LRRC37A2: variants seen among roughly 807,000 people sequenced by gnomAD.
The protein encoded by LRRC37A2 is leucine rich repeat containing 37 member A2, also known as leucine-rich repeat-containing protein 37A2.
In LRRC37A2, 9 loss-of-function variants were observed where a neutral mutation model predicts 68.8. The observed-to-expected ratio is 0.13, with a 90% CI of 0.08 to 0.23. LRRC37A2 has a LOEUF of 0.23. Ranked by LOEUF, LRRC37A2 falls within the 10% of genes least tolerant of loss-of-function variation. The pLI is 1.00. For missense variants in LRRC37A2, 168 were observed against 950.4 expected (o/e 0.18, Z 10.82); for synonymous variants, 63 against 367.6 (o/e 0.17, Z 9.48).
the LRRC37A2 span, among the ~76,000 whole-genome samples, chr17:46,954,944 T>C: frequency 6.6e-6 from 1 of 152,210 alleles, no homozygotes; most frequent in Non-Finnish European, 1.5e-5. Flanking sequence ...TTTCTAGATA[T>C]ACAATCATGT....
At chr17:46,721,296 T>G in the LRRC37A2 span, among the ~76,000 whole-genome samples, 1 of 152,156 alleles carries the variant, frequency 6.6e-6, no homozygotes. Flanking sequence ...ATAACGGGCT[T>G]CTGTGTTTTC....
At chr17:46,972,252 C>G in the LRRC37A2 span, among the ~76,000 whole-genome samples, 1 of 152,312 alleles carries the variant, frequency 6.6e-6, no homozygotes, top group East Asian at 1.9e-4. Context: ...CTCCTCTCTT[C>G]CCTTCTCCTT....
chr17:46,377,672 C>T, the LRRC37A2 span, among the ~76,000 whole-genome samples: 1 of 60,724 alleles, frequency 1.6e-5, no homozygotes, highest in East Asian at 2.3e-4. Context: ...CGGGTTCAAG[C>T]GATTCTCCCG....
the LRRC37A2 span, chr17:46,833,410 G>A: frequency 1.9e-6 from 1 of 517,866 alleles, no homozygotes. Context: ...AGTCCTGGGA[G>A]CCTTACCAGC....
chr17:46,960,844 A>C, the LRRC37A2 span, among the ~76,000 whole-genome samples: 1 of 152,236 alleles, frequency 6.6e-6, no homozygotes, highest in East Asian at 1.9e-4. Context: ...TGTCTGCATT[A>C]AGGGAAGAAG....
the LRRC37A2 span, among the ~76,000 whole-genome samples, chr17:46,804,388 G>A: frequency 6.6e-6 from 1 of 152,080 alleles, no homozygotes; most frequent in Non-Finnish European, 1.5e-5. Flanking sequence ...CAACTAGCCT[G>A]TTTTTATTTT....
chr17:46,929,367 C>T, the LRRC37A2 span, among the ~76,000 whole-genome samples: 2 of 152,192 alleles, frequency 1.3e-5, no homozygotes, highest in African/African-American at 2.4e-5. Flanking sequence ...CATGCCAAAA[C>T]GTGGGACCTA....
the LRRC37A2 span, among the ~76,000 whole-genome samples, chr17:46,568,908 T>C: frequency 7.5e-6 from 1 of 132,998 alleles, no homozygotes; most frequent in South Asian, 2.4e-4. Flanking sequence ...AAAGCAGATG[T>C]AGAAAAGATG....
At chr17:46,924,697 C>T in the LRRC37A2 span, among the ~76,000 whole-genome samples, 2 of 152,126 alleles carry the variant, frequency 1.3e-5, no homozygotes, top group Non-Finnish European at 2.9e-5. Flanking sequence ...TTTGTAATGA[C>T]AGAATTTTCT....
At chr17:46,820,919 C>T in the LRRC37A2 span, among the ~76,000 whole-genome samples, 53 of 152,164 alleles carry the variant, frequency 3.5e-4, no homozygotes, top group African/African-American at 1.2e-3. Context: ...TATGGTGGGG[C>T]GACAGGGCCT....
the LRRC37A2 span, among the ~76,000 whole-genome samples, chr17:46,499,459 G>A: frequency 6.7e-6 from 1 of 149,492 alleles, no homozygotes; most frequent in Non-Finnish European, 1.5e-5. Flanking sequence ...GGTTTCTGGG[G>A]TTCAATCTTG....
chr17:47,035,711 T>G, the LRRC37A2 span, among the ~76,000 whole-genome samples: 2 of 152,260 alleles, frequency 1.3e-5, no homozygotes, highest in East Asian at 3.8e-4. Context: ...GCAACTCTTA[T>G]GTTTAACTTT....
At chr17:46,821,054 C>T in the LRRC37A2 span, 1 of 152,196 alleles carries the variant, frequency 6.6e-6, no homozygotes, top group African/African-American at 2.4e-5. Flanking sequence ...TATGCCCAGC[C>T]AGCATCCTGG....
At chr17:46,956,309 A>G in the LRRC37A2 span, among the ~76,000 whole-genome samples, 3 of 48,054 alleles carry the variant, frequency 6.2e-5, no homozygotes, top group African/African-American at 8.7e-5. Context: ...TTTTTTTTTG[A>G]GACAGAGTTT....
the LRRC37A2 span, among the ~76,000 whole-genome samples, chr17:46,456,210 ATGTG>A: frequency 0.21 from 18,690 of 90,372 alleles, 555 homozygotes; most frequent in Middle Eastern, 0.34. Context: ...TCCATGGGAT[ATGTG>A]TGTGTGTGTG....
the LRRC37A2 span, among the ~76,000 whole-genome samples, chr17:46,909,490 ATTTTACCT>A: frequency 2.6e-5 from 4 of 152,198 alleles, no homozygotes; most frequent in Admixed American, 2.0e-4. Context: ...GCATATTAAT[ATTTTACCT>A]TTTTACCTTT....
At chr17:46,403,722 A>G in the LRRC37A2 span, among the ~76,000 whole-genome samples, 1 of 95,218 alleles carries the variant, frequency 1.1e-5, no homozygotes. Context: ...TTTTTGAGAT[A>G]GGGTCTCGCT....
the LRRC37A2 span, among the ~76,000 whole-genome samples, chr17:46,792,535 G>A: frequency 6.6e-6 from 1 of 152,064 alleles, no homozygotes; most frequent in Non-Finnish European, 1.5e-5. Context: ...GTGCAATGGT[G>A]CCGTGTTGGT....
the LRRC37A2 span, among the ~76,000 whole-genome samples, chr17:46,767,689 T>C: frequency 1.1e-3 from 161 of 152,330 alleles, 3 homozygotes; most frequent in South Asian, 0.014. Flanking sequence ...CTAGCAGCTA[T>C]GCAAAAATTT....
Sources: allele counts gnomAD v4.1 joint callset (sites outside exome capture counted in the v4.1 genomes callset), GRCh38; gene constraint gnomAD v4.1.1; transcripts MANE v1.5; gene names NCBI Gene and HGNC (gene_info 2026-07-23, HGNC 2026-07-21).